CACNB2: variants seen among roughly 807,000 people sequenced by gnomAD.
CACNB2 encodes voltage-dependent L-type calcium channel subunit beta-2.
CACNB2 carries 42 observed loss-of-function variants against 73.3 expected under a neutral mutation model. That is an observed-to-expected ratio of 0.57 (90% confidence interval 0.45 to 0.74). CACNB2 has a LOEUF of 0.74. CACNB2 is among the 30% of genes least tolerant of loss of function. The probability of loss-of-function intolerance (pLI) is 0.00; values close to 1 mark genes in which losing one functional copy is unlikely to be tolerated. For missense variants in CACNB2, 940 were observed against 853.0 expected (o/e 1.10, Z -1.27); for synonymous variants, 348 against 310.3 (o/e 1.12, Z -1.28).
Position 18,400,974 on chromosome 10 carries a change from G to T in CACNB2, c.214-950G>T, listed in dbSNP as rs555244679. 4 of 1,612,688 alleles carry T rather than the reference G, an allele frequency of 2.5e-6. No individual in the cohort carries two copies. In the South Asian group the frequency reaches 3.3e-5, roughly 13 times the overall value. Reference sequence around the variant, plus strand: ...GCTGGGGTTCTCCGGGGCTCAGCGCGCACTGAGAACCTGTGCCCGGGGCTG... The same window carrying T: ...GCTGGGGTTCTCCGGGGCTCAGCGCTCACTGAGAACCTGTGCCCGGGGCTG... On this transcript the variant is annotated intron_variant, in intron 2 of 13. Transcript: ENST00000324631.
At chr10:18,503,819 G>GA (rs1470651999) in intron 5 of CACNB2, among the ~76,000 whole-genome samples, 35 of 152,278 alleles carry the variant, frequency 2.3e-4, no homozygotes, top group African/African-American at 8.4e-4. Flanking sequence ...CTAGGTAATA[G>GA]AAAGTTACTT....
intron 2 of CACNB2, among the ~76,000 whole-genome samples, chr10:18,322,768 A>T: frequency 6.6e-6 from 1 of 152,258 alleles, no homozygotes; most frequent in South Asian, 2.1e-4. Flanking sequence ...ACAGCTGGCT[A>T]AGTCATTTAC....
At chr10:18,517,408 G>A (rs1446227459) in intron 7 of CACNB2, among the ~76,000 whole-genome samples, 1 of 152,106 alleles carries the variant, frequency 6.6e-6, no homozygotes, top group African/African-American at 2.4e-5. Flanking sequence ...CATTTTATTT[G>A]AAGCAATTAA....
At chr10:18,521,457 T>A (rs1416366124) in intron 9 of CACNB2, among the ~76,000 whole-genome samples, 1 of 152,180 alleles carries the variant, frequency 6.6e-6, no homozygotes, top group Non-Finnish European at 1.5e-5. Context: ...TGGTAACAAA[T>A]CCAAGGGTCA....
rs16916895 is a variant in CACNB2 at position 18,154,181 on chromosome 10, T to C, written c.213+3206T>C. Among the ~76,000 whole-genome samples the C allele has an allele frequency of 7.1e-3, 1,082 of 151,870 alleles. 9 individuals carry two copies. Among genetic ancestry groups the C allele is most frequent in the African/African-American group, 0.023 (971 of 41,392 alleles). On this transcript the variant is annotated intron_variant, in intron 2 of 13. Transcript: ENST00000324631. Reference sequence around the variant, plus strand: ...TTTGAAAGAAATTTAAAAAGTAAAATATTCAGAAACACTAGGTATACTTTT... The same window carrying C: ...TTTGAAAGAAATTTAAAAAGTAAAACATTCAGAAACACTAGGTATACTTTT...
chr10:18,363,809 A>T (rs1035748985), intron 2 of CACNB2, among the ~76,000 whole-genome samples: 13 of 152,092 alleles, frequency 8.5e-5, no homozygotes, highest in African/African-American at 3.1e-4. Flanking sequence ...AAGGATAGTT[A>T]TACCAATCAA....
At chr10:18,271,015 T>C (rs1460748622) in intron 2 of CACNB2, among the ~76,000 whole-genome samples, 1 of 152,202 alleles carries the variant, frequency 6.6e-6, no homozygotes, top group Non-Finnish European at 1.5e-5. Flanking sequence ...TCTCAGTCAG[T>C]CTATGAAGCT....
intron 2 of CACNB2, among the ~76,000 whole-genome samples, chr10:18,255,954 A>G (rs933509822): frequency 1.3e-5 from 2 of 152,208 alleles, no homozygotes. Flanking sequence ...TTTAACTCTG[A>G]CTGTGTTCTT....
intron 2 of CACNB2, among the ~76,000 whole-genome samples, chr10:18,344,875 G>C (rs965425861): frequency 5.3e-5 from 8 of 152,158 alleles, no homozygotes; most frequent in African/African-American, 1.7e-4. Flanking sequence ...TTTTATGCTG[G>C]CATATTGTAC....
At chr10:18,173,719 T>C (rs1372936414) in intron 2 of CACNB2, among the ~76,000 whole-genome samples, 3 of 152,248 alleles carry the variant, frequency 2.0e-5, no homozygotes, top group African/African-American at 4.8e-5. Context: ...AACCTTTTAG[T>C]ATGATATGTT....
intron 6 of CACNB2, among the ~76,000 whole-genome samples, chr10:18,511,663 C>G (rs113804395): frequency 1.4e-3 from 214 of 152,090 alleles, no homozygotes; most frequent in African/African-American, 5.1e-3. Context: ...TTTTCTTCTC[C>G]TTGACTGATT....
At chr10:18,340,868 CT>C in intron 2 of CACNB2, 1 of 1,614,040 alleles carries the variant, frequency 6.2e-7, no homozygotes, top group Non-Finnish European at 8.5e-7. Flanking sequence ...GTCCTGAATT[CT>C]TGCTCCTGTG....
chr10:18,308,329 CA>C (rs2039824225), intron 2 of CACNB2, among the ~76,000 whole-genome samples: 1 of 152,078 alleles, frequency 6.6e-6, no homozygotes, highest in South Asian at 2.1e-4. Flanking sequence ...TGTTCACGTT[CA>C]GGGGTACATG....
intron 2 of CACNB2, among the ~76,000 whole-genome samples, chr10:18,248,465 A>C (rs2036954487): frequency 6.6e-6 from 1 of 152,060 alleles, no homozygotes; most frequent in African/African-American, 2.4e-5. Context: ...TCTGATCTTA[A>C]ATTTGAGAAG....
intron 2 of CACNB2, among the ~76,000 whole-genome samples, chr10:18,251,275 C>T (rs1397309327): frequency 6.6e-6 from 1 of 150,406 alleles, no homozygotes; most frequent in East Asian, 1.9e-4. Context: ...GATGGAGTTT[C>T]ACTCTGTCGC....
chr10:18,276,765 G>A (rs1030168231), intron 2 of CACNB2, among the ~76,000 whole-genome samples: 13 of 152,098 alleles, frequency 8.5e-5, no homozygotes, highest in Admixed American at 6.5e-4. Flanking sequence ...TTTTAGTAGA[G>A]ACAGGGTTTC....
At chr10:18,481,807 A>G (rs369373174) in intron 3 of CACNB2, among the ~76,000 whole-genome samples, 14 of 152,206 alleles carry the variant, frequency 9.2e-5, no homozygotes, top group African/African-American at 2.4e-4. Flanking sequence ...TAAATAAGCT[A>G]TATCATCTTT....
rs1173971959 is a variant in CACNB2 at position 18,276,900 on chromosome 10, C to G, written c.214-125024C>G. Among the ~76,000 whole-genome samples, 3 of 152,064 alleles carry G rather than the reference C, an allele frequency of 2.0e-5. No homozygotes were observed. In the South Asian group the frequency reaches 6.2e-4, roughly 32 times the overall value. ...GGCCTTGCAGGAGGATCTTTTGAGGCCATGAGTTCAAGACCAGACAGGGCA... is the reference window on the plus strand; with the variant it reads ...GGCCTTGCAGGAGGATCTTTTGAGGGCATGAGTTCAAGACCAGACAGGGCA... On this transcript the variant is annotated intron_variant, in intron 2 of 13. Coordinates refer to ENST00000324631, the MANE Select transcript of CACNB2 (RefSeq NM_201596.3).
At chr10:18,310,584 A>G (rs1361736888) in intron 2 of CACNB2, among the ~76,000 whole-genome samples, 7 of 144,372 alleles carry the variant, frequency 4.8e-5, no homozygotes, top group African/African-American at 1.8e-4. Context: ...CAGCCTGGGC[A>G]ATAATAGCAA....
Sources: gnomAD v4.1 joint callset for allele counts (sites outside exome capture counted in the v4.1 genomes callset) on GRCh38, gnomAD v4.1.1 for gene constraint, MANE v1.5 for transcripts, NCBI Gene and HGNC (gene_info 2026-07-23, HGNC 2026-07-21) for gene names.